The following VWC2 variants were observed in gnomAD, a reference collection of about 807,000 sequenced individuals.
The protein encoded by VWC2 is brorin.
VWC2 carries 14 observed loss-of-function variants against 29.8 expected under a neutral mutation model. The ratio of observed to expected loss-of-function variants is 0.47; its 90% CI spans 0.31 to 0.74. The LOEUF is 0.74. Among genes scored for constraint, VWC2 ranks in the 30% least tolerant of loss-of-function variants. The pLI, the probability that VWC2 is intolerant of heterozygous loss-of-function variation, is 0.05. For missense variants in VWC2, 457 were observed against 459.8 expected (o/e 0.99, Z 0.05); for synonymous variants, 213 against 199.0 (o/e 1.07, Z -0.59).
chr7:49,839,853 C>T (rs1789753276), intron 3 of VWC2, among the ~76,000 whole-genome samples: 1 of 152,204 alleles, frequency 6.6e-6, no homozygotes. Context: ...TCTCTAGAGC[C>T]TAAAGTTAGA....
At chr7:49,796,848 A>C (rs935495734) in intron 2 of VWC2, among the ~76,000 whole-genome samples, 2 of 152,218 alleles carry the variant, frequency 1.3e-5, no homozygotes, top group Non-Finnish European at 2.9e-5. Flanking sequence ...AGCTCCTTAA[A>C]TGCTACTCAT....
At chr7:49,850,179 A>G (rs2128716201) in intron 3 of VWC2, among the ~76,000 whole-genome samples, 1 of 152,340 alleles carries the variant, frequency 6.6e-6, no homozygotes, top group South Asian at 2.1e-4. Context: ...TGAGCATAGT[A>G]CCACAACACA....
At position 49,793,663 on chromosome 7, in the gene VWC2, T is replaced by C. The variant is rs80070665; in HGVS notation, c.697-9048T>C. On this transcript the variant is annotated intron_variant, in intron 2 of 3. Coordinates refer to ENST00000340652, the MANE Select transcript of VWC2 (RefSeq NM_198570.5). ...TCATTAATTTATAACTGCTGTCTAT[T>C]ATTCCATCTGATTAACACCACAATG... Among the ~76,000 whole-genome samples the C allele has an allele frequency of 3.8e-3, 572 of 152,370 alleles. 17 individuals carry two copies. In the East Asian group the frequency reaches 0.094, roughly 25 times the overall value.
intron 3 of VWC2, among the ~76,000 whole-genome samples, chr7:49,826,405 C>CA (rs1259348367): frequency 2.0e-5 from 3 of 152,032 alleles, no homozygotes; most frequent in East Asian, 1.9e-4. Flanking sequence ...TTAGGTCCCT[C>CA]AAAAAAACTA....
chr7:49,896,621 G>T (rs1184074215), intron 3 of VWC2, among the ~76,000 whole-genome samples: 1 of 151,952 alleles, frequency 6.6e-6, no homozygotes, highest in Non-Finnish European at 1.5e-5. Context: ...TCTTTGAAAA[G>T]ATCAACAATT....
intron 3 of VWC2, among the ~76,000 whole-genome samples, chr7:49,835,675 C>T (rs1789639932): frequency 6.6e-6 from 1 of 152,142 alleles, no homozygotes; most frequent in South Asian, 2.1e-4. Context: ...TGGAGAATTA[C>T]TGAAAAAGTG....
chr7:49,851,515 A>T (rs1482767726), intron 3 of VWC2, among the ~76,000 whole-genome samples: 6 of 152,164 alleles, frequency 3.9e-5, no homozygotes, highest in Admixed American at 3.9e-4. Context: ...GTGCCACATC[A>T]CAGTGTGTGA....
At chr7:49,903,343 C>A (rs577555963) in intron 3 of VWC2, among the ~76,000 whole-genome samples, 7 of 152,106 alleles carry the variant, frequency 4.6e-5, no homozygotes, top group Non-Finnish European at 8.8e-5. Context: ...AAACAAAATG[C>A]CACTCAGTTG....
chr7:49,844,610 G>A (rs928428021), intron 3 of VWC2, among the ~76,000 whole-genome samples: 3 of 152,224 alleles, frequency 2.0e-5, no homozygotes, highest in Non-Finnish European at 4.4e-5. Flanking sequence ...GAGAGCCCTG[G>A]TCTTTGATTC....
chr7:49,838,749 C>T (rs1448931346), intron 3 of VWC2, among the ~76,000 whole-genome samples: 1 of 152,048 alleles, frequency 6.6e-6, no homozygotes, highest in Non-Finnish European at 1.5e-5. Flanking sequence ...CCAGGATTTT[C>T]CAGGAGCTTT....
chr7:49,858,516 G>A (rs979890802), intron 3 of VWC2, among the ~76,000 whole-genome samples: 6 of 146,600 alleles, frequency 4.1e-5, no homozygotes, highest in African/African-American at 1.0e-4. Flanking sequence ...GACAACACAC[G>A]GACACAGGAA....
intron 3 of VWC2, among the ~76,000 whole-genome samples, chr7:49,845,958 G>T (rs1023858026): frequency 6.6e-6 from 1 of 152,176 alleles, no homozygotes; most frequent in African/African-American, 2.4e-5. Context: ...TGCCCCTGTG[G>T]ATATTTTGTT....
chr7:49,784,711 T>C (rs1364773830), intron 2 of VWC2, among the ~76,000 whole-genome samples: 1 of 152,244 alleles, frequency 6.6e-6, no homozygotes, highest in East Asian at 1.9e-4. Flanking sequence ...CTTATGGATG[T>C]GGAGCCCAAT....
At chr7:49,782,211 C>T (rs1018360645) in intron 2 of VWC2, among the ~76,000 whole-genome samples, 2 of 152,156 alleles carry the variant, frequency 1.3e-5, no homozygotes, top group Non-Finnish European at 1.5e-5. Flanking sequence ...CATTTGTTTT[C>T]CAGCTGACCA....
intron 3 of VWC2, among the ~76,000 whole-genome samples, chr7:49,814,808 GC>G (rs140373555): frequency 0.034 from 5,120 of 152,268 alleles, 298 homozygotes; most frequent in African/African-American, 0.12. Flanking sequence ...TTGAGGACCA[GC>G]CCTGGCGTCA....
Position 49,912,330 on chromosome 7 carries a change from C to A in VWC2, c.*145C>A. On this transcript the variant is annotated 3_prime_UTR_variant, in exon 4 of 4. Transcript: ENST00000340652. ...TTGGTACTTTTCCTTTTCTTGATAA[C>A]AGTTACTACAACAGAAGGAAATGGA... The A allele has an allele frequency of 1.3e-6, 1 of 762,992 alleles. No homozygotes were observed. Among genetic ancestry groups the A allele is most frequent in the Non-Finnish European group, 2.0e-6 (1 of 499,890 alleles). 47.3% of individuals were successfully genotyped at this position (762,992 alleles called of 1,614,324 possible). A position where few individuals can be genotyped will look rare whatever the true frequency, so the allele number is the denominator to read the frequency against.
intron 3 of VWC2, among the ~76,000 whole-genome samples, chr7:49,860,072 G>A (rs1214559176): frequency 1.3e-5 from 2 of 151,646 alleles, no homozygotes; most frequent in African/African-American, 4.8e-5. Flanking sequence ...TGCCACTTTT[G>A]TTATTTTTTT....
At chr7:49,872,077 T>C (rs1791183200) in intron 3 of VWC2, among the ~76,000 whole-genome samples, 1 of 151,760 alleles carries the variant, frequency 6.6e-6, no homozygotes, top group Admixed American at 6.6e-5. Flanking sequence ...GAATAATATA[T>C]ATTTAAAGAA....
At chr7:49,800,801 C>G (rs1465179041) in intron 2 of VWC2, among the ~76,000 whole-genome samples, 1 of 145,902 alleles carries the variant, frequency 6.9e-6, no homozygotes, top group Non-Finnish European at 1.5e-5. Flanking sequence ...GGAAATGAGA[C>G]CCACAATGAT....
Sources: allele counts gnomAD v4.1 joint callset (sites outside exome capture counted in the v4.1 genomes callset), GRCh38; gene constraint gnomAD v4.1.1; transcripts MANE v1.5; gene names NCBI Gene and HGNC (gene_info 2026-07-23, HGNC 2026-07-21).